The following ANKRD30B variants were observed in gnomAD, a reference collection of about 807,000 sequenced individuals.
ANKRD30B encodes the protein ankyrin repeat domain 30B, also known as ankyrin repeat domain-containing protein 30B.
ANKRD30B carries 144 observed loss-of-function variants against 202.2 expected under a neutral mutation model. The ratio of observed to expected loss-of-function variants is 0.71; its 90% CI spans 0.62 to 0.82. ANKRD30B has a LOEUF of 0.82. ANKRD30B is among the 40% of genes least tolerant of loss of function. The pLI is 0.00. For missense variants in ANKRD30B, 1,487 were observed against 1,669.1 expected (o/e 0.89, Z 1.90); for synonymous variants, 508 against 561.3 (o/e 0.91, Z 1.34).
intron 36 of ANKRD30B, 44 bp from the exon 37 acceptor site, chr18:14,840,544 A>C (rs1186863801): frequency 2.8e-6 from 3 of 1,079,336 alleles, no homozygotes; most frequent in Non-Finnish European, 2.4e-6. Context: ...CAAAATTAAA[A>C]AATAGTAAAA....
the ANKRD30B span, among the ~76,000 whole-genome samples, chr18:14,890,943 C>T: frequency 6.6e-6 from 1 of 151,946 alleles, no homozygotes; most frequent in Non-Finnish European, 1.5e-5. Context: ...TACTATTTTC[C>T]TTTATTACAT....
intron 32 of ANKRD30B, among the ~76,000 whole-genome samples, chr18:14,823,786 C>T (rs1036306098): frequency 6.6e-6 from 1 of 152,094 alleles, no homozygotes; most frequent in African/African-American, 2.4e-5. Flanking sequence ...CCAGCCTGGT[C>T]AACATAGTGA....
At chr18:14,935,756 T>C in the ANKRD30B span, among the ~76,000 whole-genome samples, 13 of 152,252 alleles carry the variant, frequency 8.5e-5, no homozygotes, top group Non-Finnish European at 1.8e-4. Flanking sequence ...TGTATGCCTA[T>C]GTATGTGTGC....
the ANKRD30B span, among the ~76,000 whole-genome samples, chr18:14,875,603 C>T: frequency 6.6e-6 from 1 of 152,296 alleles, no homozygotes; most frequent in South Asian, 2.1e-4. Flanking sequence ...CCTCCATGTC[C>T]ACAGTTGGTG....
intron 37 of ANKRD30B, among the ~76,000 whole-genome samples, chr18:14,841,658 T>C (rs954857356): frequency 4.0e-4 from 61 of 152,282 alleles, no homozygotes; most frequent in Non-Finnish European, 7.4e-4. Flanking sequence ...ATGTGGACAT[T>C]ATTTTGGCTA....
rs1598558000 is a variant in ANKRD30B at position 14,752,578 on chromosome 18, C to T, written c.234C>T (p.His78=). 6.2e-7 allele frequency: 1 copy of T among 1,612,250 alleles called. No homozygotes were observed. The highest frequency in any genetic ancestry group is 8.5e-7 in the Non-Finnish European group (1 of 1,178,938). Residue 78 remains histidine (H), a synonymous_variant, in exon 2 of 44, where the codon CAC becomes CAT. Transcript: ENST00000690538. ...KRDMKKRTAL[H]WACVNGHAEV... is the part of the protein sequence containing the mutation. ...CTCACTCTCGTAGGACTGCTCTACACTGGGCCTGTGTCAATGGCCATGCAG... is the reference window on the plus strand; with the variant it reads ...CTCACTCTCGTAGGACTGCTCTACATTGGGCCTGTGTCAATGGCCATGCAG...
chr18:14,825,853 G>A (rs1970636596), intron 32 of ANKRD30B, among the ~76,000 whole-genome samples: 1 of 152,152 alleles, frequency 6.6e-6, no homozygotes, highest in Admixed American at 6.6e-5. Context: ...ATATGATTTA[G>A]TGATTATTGA....
In ANKRD30B at chr18:14,764,066, A is replaced by G; in HGVS notation, c.1201A>G (p.Thr401Ala). 1 of 1,537,068 alleles carries G rather than the reference A, an allele frequency of 6.5e-7. No individual in the cohort carries two copies. The highest frequency in any genetic ancestry group is 1.7e-4 in the Middle Eastern group (1 of 5,748). The change falls in exon 7 of 44, where the codon ACA becomes GCA. Residue 401 changes from threonine (T) to alanine (A), a missense_variant. Around this residue, in one of 6 missense-constraint regions of ANKRD30B, gnomAD observed 889 missense variants for 841.4 expected, o/e 1.06. Coordinates refer to ENST00000690538, the MANE Select transcript of ANKRD30B (RefSeq NM_001367607.2). Reference sequence around the variant, plus strand: ...TATGATTGCATGTCCTACAAAAGAAACATCTACAAAAGCAAGTACAAATGG... The same window carrying G: ...TATGATTGCATGTCCTACAAAAGAAGCATCTACAAAAGCAAGTACAAATGG... Reference protein sequence around the residue: ...SNMIACPTKETSTKASTNVDV... With the variant: ...SNMIACPTKEASTKASTNVDV...
intron 39 of ANKRD30B, among the ~76,000 whole-genome samples, chr18:14,845,663 T>C (rs1303588049): frequency 5.3e-5 from 8 of 151,896 alleles, no homozygotes; most frequent in Non-Finnish European, 5.9e-5. Flanking sequence ...CCATCTCTGA[T>C]GTTTTAGTTC....
At chr18:14,789,128 A>G (rs1356181075) in intron 15 of ANKRD30B, among the ~76,000 whole-genome samples, 2 of 152,020 alleles carry the variant, frequency 1.3e-5, no homozygotes, top group African/African-American at 2.4e-5. Context: ...TTTGATTTGC[A>G]TTTCTCTGAT....
At chr18:14,925,260 G>A in the ANKRD30B span, among the ~76,000 whole-genome samples, 9 of 152,176 alleles carry the variant, frequency 5.9e-5, no homozygotes, top group Admixed American at 4.6e-4. Flanking sequence ...GCACTGAGCT[G>A]GCCTGAACTT....
At chr18:14,786,060 A>C (rs1269447321) in intron 14 of ANKRD30B, among the ~76,000 whole-genome samples, 8 of 151,412 alleles carry the variant, frequency 5.3e-5, no homozygotes, top group East Asian at 1.9e-4. Flanking sequence ...AAAAAAAAAA[A>C]AAAAAAAAAA....
intron 42 of ANKRD30B, among the ~76,000 whole-genome samples, chr18:14,853,572 AATTACAGATTC>A (rs750607712): frequency 2.0e-5 from 3 of 150,972 alleles, no homozygotes; most frequent in Non-Finnish European, 1.5e-5. Flanking sequence ...AGTTGTGAAG[AATTACAGATTC>A]ATTAAGGGAA....
At chr18:14,804,409 T>C (rs941468761) in intron 24 of ANKRD30B, among the ~76,000 whole-genome samples, 1 of 131,162 alleles carries the variant, frequency 7.6e-6, no homozygotes, top group South Asian at 2.8e-4. Context: ...CACACATGTA[T>C]ATAATTTGTC....
the ANKRD30B span, among the ~76,000 whole-genome samples, chr18:14,925,512 T>G: frequency 6.6e-6 from 1 of 152,240 alleles, no homozygotes; most frequent in African/African-American, 2.4e-5. Context: ...GTTTTGGTTT[T>G]GGTTTCTAAC....
chr18:14,876,084 C>T, the ANKRD30B span, among the ~76,000 whole-genome samples: 155 of 151,648 alleles, frequency 1.0e-3, no homozygotes, highest in African/African-American at 3.6e-3. Context: ...AAGCCTGGGT[C>T]GTGAGAATCC....
the ANKRD30B span, among the ~76,000 whole-genome samples, chr18:14,924,787 C>G: frequency 2.3e-3 from 346 of 152,324 alleles, no homozygotes; most frequent in African/African-American, 7.9e-3. Flanking sequence ...GGGGAAGATT[C>G]CTGGTGTTCC....
At position 14,755,010 on chromosome 18, in the gene ANKRD30B, G is replaced by A; in HGVS notation, c.617+5G>A. 2.1e-6 allele frequency: 3 copies of A among 1,438,988 alleles called. No individual in the cohort carries two copies. Among genetic ancestry groups the A allele is most frequent in the Non-Finnish European group, 1.8e-6 (2 of 1,089,194 alleles). The allele number at this position is 1,438,988 out of a possible 1,614,324, so 89.1% of individuals were successfully genotyped here. ...CGCATTTAATGAGTCTAAATGGTAT[G>A]GTAGTTCTTTTTTTTTACTAAAAAA... On this transcript the variant is annotated splice_donor_5th_base_variant and intron_variant, in intron 4 of 43. Coordinates refer to ENST00000690538, the MANE Select transcript of ANKRD30B (RefSeq NM_001367607.2).
chr18:14,774,761 T>C lies in ANKRD30B; in HGVS notation c.1329+2533T>C, dbSNP rs566622007. ...TAACATGTAATTTAACTTTTTAAAT[T>C]TTAATTATTTCTACAATACTATAAA... On this transcript the variant is annotated intron_variant, in intron 9 of 43. Transcript: ENST00000690538. Among the ~76,000 whole-genome samples the C allele has an allele frequency of 2.0e-5, 3 of 152,146 alleles. No homozygotes were observed. The East Asian group carries it at 5.8e-4, about 29-fold the overall frequency.
Sources: allele counts gnomAD v4.1 joint callset (sites outside exome capture counted in the v4.1 genomes callset), GRCh38; gene constraint gnomAD v4.1.1; regional missense constraint gnomAD v4.1.1; transcripts MANE v1.5; gene names NCBI Gene and HGNC (gene_info 2026-07-23, HGNC 2026-07-21).